The following ARHGEF26 variants were observed in gnomAD, a reference collection of about 807,000 sequenced individuals.
ARHGEF26 encodes Rho guanine nucleotide exchange factor 26, also known as Rho guanine nucleotide exchange factor (GEF) 26.
A neutral mutation model predicts 89.4 loss-of-function variants in ARHGEF26; 59 were observed. That is an observed-to-expected ratio of 0.66 (90% confidence interval 0.54 to 0.82). The LOEUF (loss-of-function observed/expected upper bound fraction) is 0.82. Ranked by LOEUF, ARHGEF26 falls within the 40% of genes least tolerant of loss-of-function variation. The probability of loss-of-function intolerance (pLI) is 0.00; values close to 1 mark genes in which losing one functional copy is unlikely to be tolerated. For synonymous variants in ARHGEF26, 500 were observed against 428.4 expected (o/e 1.17, Z -2.06); for missense variants, 1,234 against 1,085.6 (o/e 1.14, Z -1.92).
At chr3:154,203,710 AT>A (rs1714817372) in intron 9 of ARHGEF26, among the ~76,000 whole-genome samples, 1 of 152,098 alleles carries the variant, frequency 6.6e-6, no homozygotes, top group East Asian at 1.9e-4. Flanking sequence ...ATTTTATCAA[AT>A]GCTTTTTCTG....
chr3:154,235,005 G>A lies in ARHGEF26; in HGVS notation c.2091-5365G>A, dbSNP rs184828582. On this transcript the variant is annotated intron_variant, in intron 11 of 14. Transcript: ENST00000465093. ...TCTCGATCTCCTGACCTTGTGATCC[G>A]CCCGCCTTGGCCTCCCTACAGTATG... Among the ~76,000 whole-genome samples, 485 of 151,716 alleles carry A rather than the reference G, an allele frequency of 3.2e-3. 5 individuals are homozygous for A. Among genetic ancestry groups the A allele is most frequent in the Middle Eastern group, 0.024 (7 of 292 alleles).
At chr3:154,225,578 A>C (rs534902811) in intron 10 of ARHGEF26, among the ~76,000 whole-genome samples, 8 of 152,264 alleles carry the variant, frequency 5.3e-5, no homozygotes, top group African/African-American at 1.9e-4. Context: ...GAAGGGTCAT[A>C]ATTTTTTATT....
intron 6 of ARHGEF26, among the ~76,000 whole-genome samples, chr3:154,178,328 C>T (rs1712959829): frequency 1.3e-5 from 2 of 152,066 alleles, no homozygotes; most frequent in South Asian, 4.2e-4. Context: ...ATTGTGCAAC[C>T]ATCACCAGAG....
At chr3:154,157,985 A>G (rs1576715759) in intron 6 of ARHGEF26, among the ~76,000 whole-genome samples, 1 of 152,270 alleles carries the variant, frequency 6.6e-6, no homozygotes, top group Non-Finnish European at 1.5e-5. Context: ...GTTTGTAAGC[A>G]GTGGTGGTGG....
At chr3:154,202,464 A>C (rs1487749239) in intron 9 of ARHGEF26, among the ~76,000 whole-genome samples, 3 of 152,158 alleles carry the variant, frequency 2.0e-5, no homozygotes, top group Admixed American at 6.5e-5. Context: ...CTTTTGGCTT[A>C]GGATTGACTT....
At chr3:154,131,583 C>T (rs1718685171) in intron 4 of ARHGEF26, among the ~76,000 whole-genome samples, 1 of 152,104 alleles carries the variant, frequency 6.6e-6, no homozygotes, top group African/African-American at 2.4e-5. Context: ...AAATGGCTGT[C>T]ATTCAGTTCA....
At chr3:154,235,223 T>A (rs1717048847) in intron 11 of ARHGEF26, among the ~76,000 whole-genome samples, 1 of 152,350 alleles carries the variant, frequency 6.6e-6, no homozygotes, top group East Asian at 1.9e-4. Flanking sequence ...GAGGAATTGG[T>A]ATCTTGATAA....
At chr3:154,124,075 C>T (rs1718170402) in intron 2 of ARHGEF26, among the ~76,000 whole-genome samples, 1 of 151,532 alleles carries the variant, frequency 6.6e-6, no homozygotes, top group Non-Finnish European at 1.5e-5. Flanking sequence ...TGTGTTTTTT[C>T]CAACTCTGCA....
chr3:154,134,103 A>G (rs1437480826), intron 4 of ARHGEF26, among the ~76,000 whole-genome samples: 5 of 152,096 alleles, frequency 3.3e-5, no homozygotes, highest in African/African-American at 9.7e-5. Context: ...GGCTGAGACT[A>G]TGGGGTTTTC....
At chr3:154,175,064 T>A (rs1712715373) in intron 6 of ARHGEF26, among the ~76,000 whole-genome samples, 1 of 152,216 alleles carries the variant, frequency 6.6e-6, no homozygotes, top group Admixed American at 6.5e-5. Context: ...TCAGCCTGTA[T>A]GTTTTTTAAA....
chr3:154,194,722 A>G lies in ARHGEF26; in HGVS notation c.1845+4A>G. ...AGCCTTGAAGGAAGTTAGCAAGGTAACTGTTGGGTGACAGTTTGTTTGTAA... is the reference window on the plus strand; with the variant it reads ...AGCCTTGAAGGAAGTTAGCAAGGTAGCTGTTGGGTGACAGTTTGTTTGTAA... On this transcript the variant is annotated splice_donor_region_variant and intron_variant, in intron 9 of 14. Transcript: ENST00000465093. 5 of 1,610,200 alleles carry G rather than the reference A, an allele frequency of 3.1e-6. No homozygotes were observed. The highest frequency in any genetic ancestry group is 4.2e-6 in the Non-Finnish European group (5 of 1,177,888).
intron 3 of ARHGEF26, 117 bp from the exon 4 acceptor site, chr3:154,129,453 CTGTT>C: frequency 9.3e-7 from 1 of 1,078,904 alleles, no homozygotes; most frequent in South Asian, 1.8e-5. Flanking sequence ...GGGACTAAAT[CTGTT>C]TGTCTCTCTG....
At chr3:154,209,732 G>A (rs1006354794) in intron 9 of ARHGEF26, among the ~76,000 whole-genome samples, 1 of 152,170 alleles carries the variant, frequency 6.6e-6, no homozygotes, top group Non-Finnish European at 1.5e-5. Flanking sequence ...TCTCGCTCAA[G>A]GTCTGCTCTA....
chr3:154,249,254 C>T (rs926944244), intron 12 of ARHGEF26, among the ~76,000 whole-genome samples: 1 of 152,180 alleles, frequency 6.6e-6, no homozygotes, highest in African/African-American at 2.4e-5. Context: ...CCTACTTTCT[C>T]AGTATGTATC....
In ARHGEF26 at chr3:154,256,381, C is replaced by T; in HGVS notation, c.*908C>T. 1.3e-6 allele frequency: 1 copy of T among 759,684 alleles called. No individual in the cohort carries two copies. Among genetic ancestry groups the T allele is most frequent in the Non-Finnish European group, 1.6e-6 (1 of 625,672 alleles). The allele number at this position is 759,684 out of a possible 1,614,324, so 47.1% of individuals were successfully genotyped here. ...GGGATTGTAAGAGTATGCCACCACG[C>T]CCAGCTACTTTTTGTATTTTTAGTA... On this transcript the variant is annotated 3_prime_UTR_variant, in exon 15 of 15. Transcript: ENST00000465093.
intron 12 of ARHGEF26, among the ~76,000 whole-genome samples, chr3:154,243,398 C>T (rs1166004202): frequency 6.6e-6 from 1 of 152,168 alleles, no homozygotes; most frequent in Admixed American, 6.5e-5. Context: ...CTGTCTCATT[C>T]ATAATTTATG....
At chr3:154,229,343 C>CT (rs1441275170) in intron 11 of ARHGEF26, among the ~76,000 whole-genome samples, 1 of 152,184 alleles carries the variant, frequency 6.6e-6, no homozygotes, top group Non-Finnish European at 1.5e-5. Context: ...TCCTGAGTAG[C>CT]TGGGGCTGTG....
intron 10 of ARHGEF26, among the ~76,000 whole-genome samples, chr3:154,218,336 C>G (rs546765213): frequency 9.2e-5 from 14 of 152,282 alleles, no homozygotes; most frequent in Admixed American, 3.3e-4. Context: ...CCAGTGTTCT[C>G]CTAAATTAAA....
intron 6 of ARHGEF26, among the ~76,000 whole-genome samples, chr3:154,185,430 A>G (rs146549481): frequency 6.6e-6 from 1 of 152,016 alleles, no homozygotes; most frequent in African/African-American, 2.4e-5. Flanking sequence ...GGCCCTGATG[A>G]TTTGCTAAAA....
Sources: allele counts gnomAD v4.1 joint callset (sites outside exome capture counted in the v4.1 genomes callset), GRCh38; gene constraint gnomAD v4.1.1; transcripts MANE v1.5; gene names NCBI Gene and HGNC (gene_info 2026-07-23, HGNC 2026-07-21).